Variants in CDH13 observed in about 807,000 individuals in gnomAD.
CDH13 encodes the protein cadherin-13.
In CDH13, 24 loss-of-function variants were observed where a neutral mutation model predicts 63.8. The observed-to-expected ratio is 0.38, with a 90% CI of 0.27 to 0.53. CDH13 has a LOEUF of 0.53. Ranked by LOEUF, CDH13 falls within the 20% of genes least tolerant of loss-of-function variation. The probability of loss-of-function intolerance (pLI) is 0.85; values close to 1 mark genes in which losing one functional copy is unlikely to be tolerated. For synonymous variants in CDH13, 503 were observed against 355.3 expected, an observed-to-expected ratio of 1.42 and a Z score of -4.67; for missense variants, 1,049 against 903.1, an observed-to-expected ratio of 1.16 and a Z score of -2.07.
chr16:83,313,028 G>A (rs1398007802), intron 5 of CDH13, among the ~76,000 whole-genome samples: 2 of 152,142 alleles, frequency 1.3e-5, no homozygotes, highest in Non-Finnish European at 2.9e-5. Flanking sequence ...AAGTGCATGG[G>A]GAATCAGCAC....
intron 1 of CDH13, among the ~76,000 whole-genome samples, chr16:82,668,024 G>A (rs1404470796): frequency 2.6e-5 from 4 of 152,090 alleles, no homozygotes; most frequent in South Asian, 2.1e-4. Context: ...CCAGGACTGC[G>A]CTCTGAATCT....
chr16:82,726,612 T>G (rs1457596696), intron 1 of CDH13, among the ~76,000 whole-genome samples: 1 of 152,202 alleles, frequency 6.6e-6, no homozygotes, highest in African/African-American at 2.4e-5. Context: ...ATTATTTACT[T>G]TATCGCCTTG....
intron 6 of CDH13, among the ~76,000 whole-genome samples, chr16:83,423,340 AAAG>A (rs2071773700): frequency 6.6e-6 from 1 of 152,212 alleles, no homozygotes; most frequent in Admixed American, 6.5e-5. Flanking sequence ...CAGAAAATTC[AAAG>A]AAGAAAAAAA....
At chr16:83,782,394 C>G (rs144841681) in intron 12 of CDH13, among the ~76,000 whole-genome samples, 1 of 151,942 alleles carries the variant, frequency 6.6e-6, no homozygotes, top group African/African-American at 2.4e-5. Context: ...CTCTATGTTG[C>G]GGGTTCCCAC....
intron 1 of CDH13, among the ~76,000 whole-genome samples, chr16:82,680,058 AT>A (rs1334078687): frequency 2.0e-5 from 3 of 152,112 alleles, no homozygotes; most frequent in Non-Finnish European, 4.4e-5. Flanking sequence ...GCTTGTCCCT[AT>A]CCACTCTCAT....
At chr16:83,287,291 A>G (rs558863360) in intron 5 of CDH13, among the ~76,000 whole-genome samples, 5 of 152,310 alleles carry the variant, frequency 3.3e-5, no homozygotes, top group African/African-American at 1.2e-4. Context: ...CAAAACTTTC[A>G]TTCAGTAAGA....
intron 3 of CDH13, among the ~76,000 whole-genome samples, chr16:83,108,792 C>T (rs778037299): frequency 3.3e-5 from 5 of 152,164 alleles, no homozygotes; most frequent in Non-Finnish European, 7.4e-5. Flanking sequence ...TATCACAAGC[C>T]TAGAGAATGT....
intron 10 of CDH13, among the ~76,000 whole-genome samples, chr16:83,698,901 A>G (rs961854019): frequency 2.0e-5 from 3 of 152,268 alleles, no homozygotes; most frequent in Admixed American, 6.5e-5. Context: ...CTGTGTTCCA[A>G]TAGAACTGTG....
At chr16:83,240,085 G>C (rs1904309749) in intron 5 of CDH13, among the ~76,000 whole-genome samples, 1 of 152,164 alleles carries the variant, frequency 6.6e-6, no homozygotes. Flanking sequence ...GCAAATCGTA[G>C]GGCCCCAGAG....
intron 8 of CDH13, among the ~76,000 whole-genome samples, chr16:83,623,801 T>C (rs1451976009): frequency 1.3e-5 from 2 of 152,190 alleles, no homozygotes; most frequent in Admixed American, 1.3e-4. Context: ...CACACAGGAA[T>C]GGTCAAAATA....
intron 8 of CDH13, among the ~76,000 whole-genome samples, chr16:83,668,572 A>G (rs1474813732): frequency 6.6e-6 from 1 of 152,212 alleles, no homozygotes; most frequent in Non-Finnish European, 1.5e-5. Context: ...GCTGACATCC[A>G]CTTTGATAAG....
chr16:83,628,150 A>G (rs12933226), intron 8 of CDH13, among the ~76,000 whole-genome samples: 56,794 of 152,044 alleles, frequency 0.37, 10,950 homozygotes, highest in Middle Eastern at 0.44. Context: ...CTCCCATCTT[A>G]TCCTGTTTAT....
At chr16:83,044,404 C>A (rs1005506861) in intron 3 of CDH13, among the ~76,000 whole-genome samples, 1 of 152,260 alleles carries the variant, frequency 6.6e-6, no homozygotes, top group South Asian at 2.1e-4. Context: ...CAGAGCTGAG[C>A]AAAACTCCTA....
intron 4 of CDH13, among the ~76,000 whole-genome samples, chr16:83,143,140 G>A (rs964396494): frequency 6.6e-6 from 1 of 152,136 alleles, no homozygotes; most frequent in Non-Finnish European, 1.5e-5. Context: ...GGCTGTCTTG[G>A]ACACATCTCT....
chr16:82,849,838 G>A (rs896861988), intron 1 of CDH13, among the ~76,000 whole-genome samples: 4 of 152,136 alleles, frequency 2.6e-5, no homozygotes, highest in African/African-American at 4.8e-5. Context: ...TCTACAAAAG[G>A]AACAACAAAG....
At chr16:83,765,551 T>C (rs11645299) in intron 11 of CDH13, among the ~76,000 whole-genome samples, 1 of 109,416 alleles carries the variant, frequency 9.1e-6, no homozygotes, top group Non-Finnish European at 2.1e-5. Flanking sequence ...TATATATATA[T>C]ATACACACAC....
chr16:83,572,937 C>T (rs1336071190), intron 7 of CDH13, among the ~76,000 whole-genome samples: 3 of 152,156 alleles, frequency 2.0e-5, no homozygotes, highest in Non-Finnish European at 2.9e-5. Flanking sequence ...AAGTTTCACA[C>T]ATAAAGGATT....
intron 8 of CDH13, among the ~76,000 whole-genome samples, chr16:83,627,128 A>AC (rs1018055799): frequency 1.1e-3 from 2 of 1,752 alleles, no homozygotes; most frequent in Non-Finnish European, 2.9e-3. Flanking sequence ...ACTAAAATAC[A>AC]AAAAAAAAAA....
chr16:83,537,013 G>A (rs1421344444), intron 7 of CDH13, among the ~76,000 whole-genome samples: 1 of 152,220 alleles, frequency 6.6e-6, no homozygotes, highest in African/African-American at 2.4e-5. Context: ...AGAGTGCATT[G>A]AGAACTAAGG....
Sources: allele counts gnomAD v4.1 joint callset (sites outside exome capture counted in the v4.1 genomes callset), GRCh38; gene constraint gnomAD v4.1.1; transcripts MANE v1.5; gene names NCBI Gene and HGNC (gene_info 2026-07-23, HGNC 2026-07-21).